Variants in DDX39B observed in about 807,000 individuals in gnomAD.
DDX39B encodes the protein DExD-box helicase 39B.
Under a neutral mutation model 46.4 loss-of-function variants are expected in DDX39B, and 6 were observed. The observed-to-expected ratio is 0.13, with a 90% CI of 0.07 to 0.26. The LOEUF (loss-of-function observed/expected upper bound fraction) is 0.26. DDX39B is among the 10% of genes least tolerant of loss of function. DDX39B has a pLI of 1.00. For synonymous variants in DDX39B, 174 were observed against 199.4 expected, an observed-to-expected ratio of 0.87 and a Z score of 1.07; for missense variants, 185 against 553.4, an observed-to-expected ratio of 0.33 and a Z score of 6.68.
At chr6:31,541,295 C>A in intron 1 of DDX39B, 1 of 469,260 alleles carries the variant, frequency 2.1e-6, no homozygotes, top group Non-Finnish European at 4.4e-6. Flanking sequence ...ACAAATGGCT[C>A]GGCCACAAAA....
Position 31,535,856 on chromosome 6 carries a change from ACT to A in DDX39B, c.617-373_617-372del, listed in dbSNP as rs1562414653. 1.3e-5 allele frequency among the ~76,000 whole-genome samples: 2 copies of A among 151,918 alleles called. No individual in the cohort carries two copies. The highest frequency in any genetic ancestry group is 2.9e-5 in the Non-Finnish European group (2 of 67,990). On this transcript the variant is annotated intron_variant, in intron 5 of 10. Coordinates refer to ENST00000396172, the MANE Select transcript of DDX39B (RefSeq NM_004640.7). This position sits in a 1 kb window ranked among gnomAD's most constrained non-coding sequence, Gnocchi z 4.6. ...TTCCAGATATCAGAGTCCATCTATG[ACT>A]CTCTGGATTACTTTTCTATCAAGTC...
At chr6:31,536,421 G>A in intron 5 of DDX39B, 79 bp downstream of exon 5, 2 of 1,594,726 alleles carry the variant, frequency 1.3e-6, no homozygotes, top group Non-Finnish European at 1.7e-6. Flanking sequence ...GCACTGAGGT[G>A]CTCCTGTTTC....
chr6:31,540,957 A>G (rs1768352206), intron 1 of DDX39B: 2 of 419,510 alleles, frequency 4.8e-6, no homozygotes, highest in South Asian at 3.8e-5. Flanking sequence ...CAGTGAGGAA[A>G]TAGAATAGAT....
At chr6:31,539,604 G>A (rs773881115) in intron 2 of DDX39B, among the ~76,000 whole-genome samples, 2 of 151,996 alleles carry the variant, frequency 1.3e-5, no homozygotes, top group African/African-American at 2.4e-5. Flanking sequence ...CATGACATTT[G>A]AATACCTGCC....
At chr6:31,539,412 C>G (rs1768151124) in intron 2 of DDX39B, 138 bp from the exon 3 acceptor site, 1 of 1,238,944 alleles carries the variant, frequency 8.1e-7, no homozygotes, top group Admixed American at 2.6e-5. Context: ...ACTTCCAGAC[C>G]CATTTTACCT....
chr6:31,537,117 GAAATAAAATAAATAA>G (rs1388010724), intron 4 of DDX39B, among the ~76,000 whole-genome samples: 1 of 151,674 alleles, frequency 6.6e-6, no homozygotes, highest in East Asian at 1.9e-4. Context: ...ATCTCAAAAA[GAAATAAAATAAATAA>G]AAATAAAATA....
chr6:31,531,231 A>AT lies in DDX39B; in HGVS notation c.978-35dup. ...GAAAGGAAATTTAAAACATGTTGAG[A>AT]TTCCCTTCTCTCAACTGTCTTTTTC... On this transcript the variant is annotated intron_variant, in intron 8 of 10. Transcript: ENST00000396172. The surrounding 1 kb of genome is among the most constrained non-coding windows in gnomAD (Gnocchi z 5.8). 1.2e-6 allele frequency: 2 copies of AT among 1,613,950 alleles called. No individual in the cohort carries two copies. The highest frequency in any genetic ancestry group is 1.7e-6 in the Non-Finnish European group (2 of 1,179,906).
chr6:31,532,699 A>G, intron 7 of DDX39B, 81 bp downstream of exon 7: 1 of 1,543,140 alleles, frequency 6.5e-7, no homozygotes, highest in East Asian at 2.3e-5. Context: ...GATTTCCTCA[A>G]TAAAAGTGTA....
chr6:31,535,089 G>A lies in DDX39B; in HGVS notation c.735+278C>T. 4.0e-6 allele frequency: 2 copies of A among 506,300 alleles called. No homozygotes were observed. The highest frequency in any genetic ancestry group is 3.6e-6 in the Non-Finnish European group (1 of 278,586). 31.4% of individuals were successfully genotyped at this position (506,300 alleles called of 1,614,324 possible). A position where few individuals can be genotyped will look rare whatever the true frequency, so the allele number is the denominator to read the frequency against. Reference sequence around the variant, plus strand: ...GAAAAATCCTGCCCTCCCCCAAAGGGAGAAGAGGTTCAAAAATGTTGTGAT... The same window carrying A: ...GAAAAATCCTGCCCTCCCCCAAAGGAAGAAGAGGTTCAAAAATGTTGTGAT... On this transcript the variant is annotated intron_variant, in intron 6 of 10. Coordinates refer to ENST00000396172, the MANE Select transcript of DDX39B (RefSeq NM_004640.7). The surrounding 1 kb of genome is among the most constrained non-coding windows in gnomAD (Gnocchi z 4.6).
In DDX39B at chr6:31,535,091, G is replaced by C; in HGVS notation, c.735+276C>G. On this transcript the variant is annotated intron_variant, in intron 6 of 10. Transcript: ENST00000396172. This position sits in a 1 kb window ranked among gnomAD's most constrained non-coding sequence, Gnocchi z 4.6. The stretch of plus-strand genomic sequence containing the variant: ...AAAATCCTGCCCTCCCCCAAAGGGA[G>C]AAGAGGTTCAAAAATGTTGTGATTT... 1 of 512,060 alleles carries C rather than the reference G, an allele frequency of 2.0e-6. No individual in the cohort carries two copies. The allele number at this position is 512,060 out of a possible 1,614,324, so 31.7% of individuals were successfully genotyped here.
At chr6:31,541,290 T>C (rs2150347669) in intron 1 of DDX39B, 2 of 487,356 alleles carry the variant, frequency 4.1e-6, no homozygotes, top group Non-Finnish European at 8.5e-6. Flanking sequence ...GCAAGACAAA[T>C]GGCTCGGCCA....
At chr6:31,541,727 A>G in intron 1 of DDX39B, 1 of 598,210 alleles carries the variant, frequency 1.7e-6, no homozygotes, top group Non-Finnish European at 3.2e-6. Context: ...AACGAACACA[A>G]TGGCGCCGAG....
chr6:31,539,002 G>A (rs746191618), intron 3 of DDX39B, 145 bp downstream of exon 3: 3 of 1,511,800 alleles, frequency 2.0e-6, no homozygotes, highest in African/African-American at 1.4e-5. Flanking sequence ...GCTTGCGACA[G>A]AACATCCCCC....
rs929464188 is a variant in DDX39B at position 31,534,435 on chromosome 6, G to A, written c.735+932C>T. On this transcript the variant is annotated intron_variant, in intron 6 of 10. Coordinates refer to ENST00000396172, the MANE Select transcript of DDX39B (RefSeq NM_004640.7). The surrounding 1 kb of genome is among the most constrained non-coding windows in gnomAD (Gnocchi z 5.1). ...AACACACTCCACTGCTTATGCAATT[G>A]GCCCCACCTAGCCCCAAACCCTAAC... 1.1e-5 allele frequency: 5 copies of A among 468,688 alleles called. No homozygotes were observed. The highest frequency in any genetic ancestry group is 2.4e-5 in the Admixed American group (1 of 41,920). The allele number at this position is 468,688 out of a possible 1,614,324, so 29.0% of individuals were successfully genotyped here.
chr6:31,539,852 G>A (rs546644981), intron 2 of DDX39B, among the ~76,000 whole-genome samples: 4 of 152,330 alleles, frequency 2.6e-5, no homozygotes, highest in Admixed American at 2.6e-4. Context: ...AAGCAGACAA[G>A]AAAAGCCAGT....
chr6:31,541,637 G>A (rs887969329), intron 1 of DDX39B: 2 of 482,228 alleles, frequency 4.1e-6, no homozygotes, highest in Non-Finnish European at 8.5e-6. Flanking sequence ...CAAATACCAA[G>A]ACCAAGGGAC....
chr6:31,532,846 C>G lies in DDX39B; in HGVS notation c.801G>C (p.Val267=), dbSNP rs1767324615. 6.2e-7 allele frequency: 1 copy of G among 1,610,724 alleles called. No individual in the cohort carries two copies. Among genetic ancestry groups the G allele is most frequent in the Non-Finnish European group, 8.5e-7 (1 of 1,179,368 alleles). Residue 267 remains valine (V), a synonymous_variant, in exon 7 of 11, where the codon GTG becomes GTC. Coordinates refer to ENST00000396172, the MANE Select transcript of DDX39B (RefSeq NM_004640.7). ...LTLHGLQQYY[V]KLKDNEKNRK... Reference sequence around the variant, plus strand: ...GGTTCTTCTCGTTGTCCTTCAGTTTCACGTAGTACTGCTGCAACCCATGCA... The same window carrying G: ...GGTTCTTCTCGTTGTCCTTCAGTTTGACGTAGTACTGCTGCAACCCATGCA...
intron 1 of DDX39B, chr6:31,541,518 T>C (rs991224686): frequency 2.5e-6 from 1 of 401,356 alleles, no homozygotes; most frequent in African/African-American, 2.1e-5. Context: ...CAAGTCAAGG[T>C]GAGAAAAATC....
In DDX39B at chr6:31,540,446, G is replaced by A; in HGVS notation, c.87C>T (p.Ala29=). Residue 29 remains alanine (A), a synonymous_variant, in exon 2 of 11, where the codon GCC becomes GCT. Transcript: ENST00000396172. ...ETAAGGDGAE[A]PAKKDVKGSY... is the part of the protein sequence containing the mutation. ...AGCCCTTGACATCCTTCTTGGCAGG[G>A]GCCTCAGCCCCATCTCCCCCAGCTG... 2 of 1,614,176 alleles carry A rather than the reference G, an allele frequency of 1.2e-6. No individual in the cohort carries two copies. Among genetic ancestry groups the A allele is most frequent in the Non-Finnish European group, 1.7e-6 (2 of 1,180,036 alleles).
Sources: allele counts gnomAD v4.1 joint callset (sites outside exome capture counted in the v4.1 genomes callset), GRCh38; gene constraint gnomAD v4.1.1; non-coding constraint Gnocchi (gnomAD v3.1); transcripts MANE v1.5; gene names NCBI Gene and HGNC (gene_info 2026-07-23, HGNC 2026-07-21).